ZP3: variants seen among roughly 807,000 people sequenced by gnomAD.
ZP3 encodes the protein zona pellucida glycoprotein 3, also known as zona pellucida sperm-binding protein 3.
In ZP3, 21 loss-of-function variants were observed where a neutral mutation model predicts 35.6. The ratio of observed to expected loss-of-function variants is 0.59; its 90% CI spans 0.42 to 0.85. ZP3 has a LOEUF of 0.85. ZP3 is among the 40% of genes least tolerant of loss of function. The probability of loss-of-function intolerance (pLI) is 0.00; values close to 1 mark genes in which losing one functional copy is unlikely to be tolerated. For synonymous variants in ZP3, 207 were observed against 214.5 expected (o/e 0.96, Z 0.31); for missense variants, 437 against 536.5 (o/e 0.81, Z 1.83).
Position 76,425,048 on chromosome 7 carries a change from G to T in ZP3, c.84G>T (p.Leu28Phe), listed in dbSNP as rs751185738. ...ELCYPQPLWL[L>F]QGGASHPETS... ...GCTACCCCCAACCCCTCTGGCTCTT[G>T]CAGGGTGGAGCCAGCCATCCTGAGA... The change falls in exon 1 of 8, where the codon TTG becomes TTT. Residue 28 changes from leucine to phenylalanine, a missense_variant. This residue lies in a region of ZP3 where 352 missense variants were observed against 308.4 expected (regional missense o/e 1.14). Coordinates refer to ENST00000394857, the MANE Select transcript of ZP3 (RefSeq NM_001110354.2). 6.2e-7 allele frequency: 1 copy of T among 1,608,516 alleles called. No individual in the cohort carries two copies. The highest frequency in any genetic ancestry group is 1.7e-5 in the Admixed American group (1 of 58,998).
At chr7:76,435,721 C>T (rs530024974) in intron 5 of ZP3, among the ~76,000 whole-genome samples, 2 of 145,958 alleles carry the variant, frequency 1.4e-5, no homozygotes, top group African/African-American at 2.5e-5. Context: ...CATCTAGGTT[C>T]TACCACCAGC....
intron 2 of ZP3, 95 bp from the exon 3 acceptor site, chr7:76,432,832 C>A: frequency 1.9e-6 from 2 of 1,054,498 alleles, no homozygotes; most frequent in East Asian, 2.5e-5. Context: ...AGCTGAGGAC[C>A]CTGTAGTGGG....
At chr7:76,412,965 C>CT (rs1160174272) in intron 1 of ZP3, among the ~76,000 whole-genome samples, 1,322 of 102,494 alleles carry the variant, frequency 0.013, 49 homozygotes, top group Admixed American at 0.07. Context: ...TCTTCTTCTT[C>CT]TTTTTTTTTT....
chr7:76,440,726 C>T lies in ZP3; in HGVS notation c.1060+115C>T. 2.0e-6 allele frequency: 3 copies of T among 1,486,186 alleles called. No individual in the cohort carries two copies. In the South Asian group the frequency reaches 4.1e-5, roughly 20 times the overall value. The allele number at this position is 1,486,186 out of a possible 1,614,324, so 92.1% of individuals were successfully genotyped here. A position where few individuals can be genotyped will look rare whatever the true frequency, so the allele number is the denominator to read the frequency against. On this transcript the variant is annotated intron_variant, in intron 7 of 7. Coordinates refer to ENST00000394857, the MANE Select transcript of ZP3 (RefSeq NM_001110354.2). ...TGTCCTCCATTAAAACTGTTTGTAC[C>T]TAGGCCTGCAGCTACCTTTCCCTAA...
rs1554623389 is a variant in ZP3, at chr7:76,411,013, A to AAGAAAAG, written c.-67+13217_-67+13218insGAAAAGA. The stretch of plus-strand genomic sequence containing the variant: ...CCATCTCAAAAGAAAAAAAAAAAAA[A>AAGAAAAG]AAAAGAAAAGAAAATACTTGATGGA... On this transcript the variant is annotated intron_variant, in intron 1 of 8. Transcript: ENST00000336517. Among the ~76,000 whole-genome samples the AAGAAAAG allele has an allele frequency of 3.4e-4, 45 of 131,152 alleles. 1 individual carries two copies. The highest frequency in any genetic ancestry group is 1.3e-3 in the African/African-American group (41 of 32,474). 86.0% of individuals were successfully genotyped at this position (131,152 alleles called of 152,430 possible).
rs755814911 is a variant in ZP3, at chr7:76,433,592, A to G, written c.658A>G (p.Thr220Ala). The G allele has an allele frequency of 6.2e-7, 1 of 1,614,048 alleles. No individual in the cohort carries two copies. The highest frequency in any genetic ancestry group is 8.5e-7 in the Non-Finnish European group (1 of 1,179,948). The change falls in exon 4 of 8, where the codon ACA becomes GCA. Residue 220 changes from threonine to alanine, a missense_variant. Thr to Ala is a moderately conservative substitution (Grantham distance 58). Transcript: ENST00000394857. ...GTTGTTTGTGGACCACTGCGTGGCCACACCGACACCAGACCAGAATGCCTC... is the reference window on the plus strand; with the variant it reads ...GTTGTTTGTGGACCACTGCGTGGCCGCACCGACACCAGACCAGAATGCCTC... ...LRLFVDHCVA[T>A]PTPDQNASPY... is the part of the protein sequence containing the mutation.
intron 1 of ZP3, among the ~76,000 whole-genome samples, chr7:76,416,948 A>G (rs1316336848): frequency 6.7e-5 from 1 of 14,874 alleles, no homozygotes; most frequent in Non-Finnish European, 2.3e-4. Context: ...ATACATACAT[A>G]TATATATATA....
intron 1 of ZP3, chr7:76,400,438 G>T: frequency 6.2e-7 from 1 of 1,607,396 alleles, no homozygotes; most frequent in Non-Finnish European, 8.5e-7. Context: ...AAGGGGCCGT[G>T]GCACGGGCAG....
upstream of ZP3, among the ~76,000 whole-genome samples, chr7:76,423,025 G>GAGAGAGAGAGAGAGAGAA (rs1278384225): frequency 3.8e-4 from 29 of 75,842 alleles, no homozygotes; most frequent in South Asian, 1.0e-3. Flanking sequence ...GAGAGAGAGA[G>GAGAGAGAGAGAGAGAGAA]AGAAAGAAAG....
In ZP3 at chr7:76,440,546, A is replaced by T. The variant is rs1471913478; in HGVS notation, c.995A>T (p.His332Leu). The change falls in exon 7 of 8, where the codon CAT becomes CTT. Residue 332 changes from histidine to leucine, a missense_variant. This residue lies in a region of ZP3 where 41 missense variants were observed against 50.2 expected (regional missense o/e 0.82). Coordinates refer to ENST00000394857, the MANE Select transcript of ZP3 (RefSeq NM_001110354.2). ...AAAGGTGACTGTGGCACTCCAAGCC[A>T]TTCCAGGAGGCAGCCTCATGTCATG... ...CNKGDCGTPS[H>L]SRRQPHVMSQ... 1 of 1,614,222 alleles carries T rather than the reference A, an allele frequency of 6.2e-7. No individual in the cohort carries two copies. The highest frequency in any genetic ancestry group is 8.5e-7 in the Non-Finnish European group (1 of 1,180,040).
rs201304513 is a variant in ZP3 at position 76,429,484 on chromosome 7, C to T, written c.313-31C>T. ...TGGGAGTACCCGGGCAGGTGATGGC[C>T]GGCAGCATTAACTTCTCACCTTTCC... On this transcript the variant is annotated intron_variant, in intron 1 of 7. Coordinates refer to ENST00000394857, the MANE Select transcript of ZP3 (RefSeq NM_001110354.2). 1.5e-4 allele frequency: 236 copies of T among 1,606,092 alleles called. 1 individual carries two copies. Among genetic ancestry groups the T allele is most frequent in the African/African-American group, 1.4e-3 (108 of 74,864 alleles).
chr7:76,441,199 C>T (rs1584078036), intron 7 of ZP3, among the ~76,000 whole-genome samples: 1 of 151,588 alleles, frequency 6.6e-6, no homozygotes, highest in African/African-American at 2.4e-5. Flanking sequence ...CTGGCCAGAA[C>T]AGTGGGTTGT....
chr7:76,419,645 T>TTC (rs565288449), intron 1 of ZP3, among the ~76,000 whole-genome samples: 113 of 151,292 alleles, frequency 7.5e-4, no homozygotes, highest in Non-Finnish European at 1.2e-3. Flanking sequence ...TTTCTTTCTT[T>TTC]TCTCTCTCTC....
chr7:76,437,482 T>C (rs1268225324), intron 5 of ZP3, among the ~76,000 whole-genome samples: 7 of 150,590 alleles, frequency 4.6e-5, no homozygotes, highest in African/African-American at 1.2e-4. Context: ...TTTTTTTTTT[T>C]TTTTTGTTTT....
At position 76,405,274 on chromosome 7, in the gene ZP3, TATATATATATATATA is replaced by T. The variant is rs1563686787; in HGVS notation, c.-67+7478_-67+7492del. On this transcript the variant is annotated intron_variant, in intron 1 of 8. Transcript: ENST00000336517. ...GTGCATCACCACACCCAGCTAATTA[TATATATATATATATA>T]TATATATATATATATATATATATAT... Among the ~76,000 whole-genome samples the T allele has an allele frequency of 3.0e-3, 64 of 21,248 alleles. 1 individual carries two copies. The highest frequency in any genetic ancestry group is 0.014 in the East Asian group (6 of 430). 13.9% of individuals were successfully genotyped at this position (21,248 alleles called of 152,430 possible).
chr7:76,406,797 A>C (rs1236869883), intron 1 of ZP3, among the ~76,000 whole-genome samples: 1 of 151,442 alleles, frequency 6.6e-6, no homozygotes, highest in Non-Finnish European at 1.5e-5. Flanking sequence ...AAAAAAAAAA[A>C]TCTTCAAGGC....
chr7:76,435,810 C>T (rs2115927872), intron 5 of ZP3, among the ~76,000 whole-genome samples: 1 of 150,706 alleles, frequency 6.6e-6, no homozygotes, highest in East Asian at 2.0e-4. Context: ...CTCACTGCAA[C>T]CTCTGCCTCC....
intron 1 of ZP3, among the ~76,000 whole-genome samples, chr7:76,398,025 C>T (rs1804697546): frequency 6.6e-6 from 1 of 152,074 alleles, no homozygotes; most frequent in African/African-American, 2.4e-5. Flanking sequence ...CTAAAACCAA[C>T]CCCCCTACCC....
At position 76,428,253 on chromosome 7, in the gene ZP3, G is replaced by A. The variant is rs563140529; in HGVS notation, c.313-1262G>A. Among the ~76,000 whole-genome samples, 7 of 152,094 alleles carry A rather than the reference G, an allele frequency of 4.6e-5. No homozygotes were observed. In the South Asian group the frequency reaches 1.2e-3, roughly 27 times the overall value. On this transcript the variant is annotated intron_variant, in intron 1 of 7. Coordinates refer to ENST00000394857, the MANE Select transcript of ZP3 (RefSeq NM_001110354.2). ...AGAGAATTGCTTGAACCTGGGAGGC[G>A]GAGGTTGCAGTGAGCCGAGTTCGTG...
Sources: gnomAD v4.1 joint callset for allele counts (sites outside exome capture counted in the v4.1 genomes callset) on GRCh38, gnomAD v4.1.1 for gene constraint, gnomAD v4.1.1 regional missense constraint, MANE v1.5 for transcripts, NCBI Gene and HGNC (gene_info 2026-07-23, HGNC 2026-07-21) for gene names.